CPAMD8: variants seen among roughly 807,000 people sequenced by gnomAD.
The protein encoded by CPAMD8 is C3 and PZP like alpha-2-macroglobulin domain containing 8, also known as C3 and PZP-like alpha-2-macroglobulin domain-containing protein 8.
In CPAMD8, 146 loss-of-function variants were observed where a neutral mutation model predicts 224.7. That is an observed-to-expected ratio of 0.65 (90% confidence interval 0.57 to 0.75). The LOEUF is 0.75. CPAMD8 is among the 30% of genes least tolerant of loss of function. The pLI, the probability that CPAMD8 is intolerant of heterozygous loss-of-function variation, is 0.00. For synonymous variants in CPAMD8, 966 were observed against 1,044.6 expected (o/e 0.92, Z 1.45); for missense variants, 2,301 against 2,537.5 (o/e 0.91, Z 2.00).
intron 22 of CPAMD8, among the ~76,000 whole-genome samples, chr19:16,941,097 A>AT (rs1347224267): frequency 6.6e-6 from 1 of 151,990 alleles, no homozygotes; most frequent in Non-Finnish European, 1.5e-5. Flanking sequence ...CACCTGGCTA[A>AT]TTTTTTGTAT....
intron 6 of CPAMD8, 106 bp downstream of exon 6, chr19:17,009,197 C>T (rs750660875): frequency 4.8e-5 from 76 of 1,589,064 alleles, no homozygotes; most frequent in Non-Finnish European, 5.5e-5. Flanking sequence ...TAAGGCACAG[C>T]GGCTCAACCC....
chr19:16,930,800 C>T (rs1291497518), intron 23 of CPAMD8, among the ~76,000 whole-genome samples: 1 of 152,118 alleles, frequency 6.6e-6, no homozygotes, highest in Non-Finnish European at 1.5e-5. Context: ...AGCAGGGCAC[C>T]GTATCGAGAT....
rs139532215 is a variant in CPAMD8 at position 16,925,032 on chromosome 19, G to C, written c.3547+164C>G. ...TAACAGCCACAGACATCAGGCTCCT[G>C]CTGACAGTGACAAGATCAGGGCCAC... On this transcript the variant is annotated intron_variant, in intron 26 of 41. Transcript: ENST00000443236. 1.5e-3 allele frequency among the ~76,000 whole-genome samples: 223 copies of C among 152,288 alleles called. 1 individual carries two copies. Among genetic ancestry groups the C allele is most frequent in the African/African-American group, 4.8e-3 (198 of 41,550 alleles).
Position 16,899,352 on chromosome 19 carries a change from C to T in CPAMD8, c.4848+123G>A, listed in dbSNP as rs559475068. On this transcript the variant is annotated intron_variant, in intron 37 of 41. Transcript: ENST00000443236. The surrounding 1 kb of genome is among the most constrained non-coding windows in gnomAD (Gnocchi z 5.4). ...GATTACAGGCATGAGCCACCATGCC[C>T]GGCCCCAGTGTCTTTTTTATGGTAC... 2.1e-5 allele frequency: 13 copies of T among 632,102 alleles called. No homozygotes were observed. The highest frequency in any genetic ancestry group is 3.6e-5 in the African/African-American group (2 of 55,652). The allele number at this position is 632,102 out of a possible 1,614,324, so 39.2% of individuals were successfully genotyped here. A position where few individuals can be genotyped will look rare whatever the true frequency, so the allele number is the denominator to read the frequency against.
intron 13 of CPAMD8, among the ~76,000 whole-genome samples, chr19:16,986,881 C>A (rs1289722319): frequency 2.6e-5 from 4 of 151,816 alleles, no homozygotes; most frequent in Non-Finnish European, 5.9e-5. Flanking sequence ...TATGGCCAGG[C>A]GCGGTGGCTC....
intron 41 of CPAMD8, chr19:16,894,507 C>T (rs1290267241): frequency 2.2e-6 from 1 of 455,756 alleles, no homozygotes; most frequent in Non-Finnish European, 4.4e-6. Context: ...CACCCCTTTC[C>T]TGAACCCAAC....
intron 29 of CPAMD8, among the ~76,000 whole-genome samples, chr19:16,911,135 C>A (rs955342880): frequency 1.3e-5 from 2 of 152,190 alleles, no homozygotes; most frequent in Non-Finnish European, 2.9e-5. Context: ...GGGTCACAGA[C>A]TGGTACCGGT....
chr19:16,994,514 C>CTTT (rs1213117903), intron 11 of CPAMD8, among the ~76,000 whole-genome samples: 1 of 106,506 alleles, frequency 9.4e-6, no homozygotes, highest in Non-Finnish European at 1.9e-5. Context: ...TTAACCACTC[C>CTTT]CTTTTTTTTT....
chr19:16,973,890 T>C (rs969994343), intron 17 of CPAMD8, among the ~76,000 whole-genome samples: 3 of 145,746 alleles, frequency 2.1e-5, no homozygotes, highest in Admixed American at 1.4e-4. Context: ...AGTGAAGTGA[T>C]GTGATCTCTG....
chr19:16,978,896 C>A (rs1056403041), intron 14 of CPAMD8, among the ~76,000 whole-genome samples: 5 of 151,344 alleles, frequency 3.3e-5, no homozygotes, highest in African/African-American at 1.2e-4. Context: ...CAACCATCCA[C>A]CCATCCCTCT....
At position 16,989,642 on chromosome 19, in the gene CPAMD8, C is replaced by T. The variant is rs1240335420; in HGVS notation, c.1395+1G>A. On this transcript the variant is annotated splice_donor_variant, in intron 13 of 41. Coordinates refer to ENST00000443236, the MANE Select transcript of CPAMD8 (RefSeq NM_015692.5). LOFTEE classifies it high-confidence loss of function. ...GGAAGGGTAGCTCCTGAAAATCTTA[C>T]CTGCAGTGGGTGGGAGGGTGGCTGC... is the stretch of plus-strand genomic sequence containing the variant. 1 of 1,613,156 alleles carries T rather than the reference C, an allele frequency of 6.2e-7. No individual in the cohort carries two copies.
intron 10 of CPAMD8, among the ~76,000 whole-genome samples, chr19:16,998,241 C>T (rs1442059281): frequency 6.6e-6 from 1 of 152,206 alleles, no homozygotes; most frequent in Non-Finnish European, 1.5e-5. Flanking sequence ...CGGCAGATCA[C>T]TTGAGGTCAG....
intron 11 of CPAMD8, 85 bp downstream of exon 11, chr19:16,997,026 A>T: frequency 2.4e-6 from 2 of 837,682 alleles, no homozygotes; most frequent in Non-Finnish European, 2.0e-6. Flanking sequence ...TTTTCAGCTG[A>T]GTCACCACTG....
intron 2 of CPAMD8, among the ~76,000 whole-genome samples, chr19:17,021,369 C>T (rs539501392): frequency 2.6e-5 from 4 of 152,176 alleles, no homozygotes; most frequent in Non-Finnish European, 5.9e-5. Flanking sequence ...TAGAAGCTTC[C>T]ACATTTCCAC....
Position 16,931,803 on chromosome 19 carries a change from C to A in CPAMD8, c.2846-2563G>T, listed in dbSNP as rs151338885. On this transcript the variant is annotated intron_variant, in intron 23 of 41. Coordinates refer to ENST00000443236, the MANE Select transcript of CPAMD8 (RefSeq NM_015692.5). ...CCACTAATAACTGCACCCTAAGCCA[C>A]TCAGGAAATCACAGACACCACTGAT... is the stretch of plus-strand genomic sequence containing the variant. Among the ~76,000 whole-genome samples, 453 of 152,320 alleles carry A rather than the reference C, an allele frequency of 3.0e-3. 3 individuals are homozygous for A. The highest frequency in any genetic ancestry group is 0.01 in the African/African-American group (430 of 41,570).
At chr19:16,906,416 T>C (rs1166827658) in intron 30 of CPAMD8, among the ~76,000 whole-genome samples, 5 of 143,380 alleles carry the variant, frequency 3.5e-5, no homozygotes, top group African/African-American at 7.8e-5. Flanking sequence ...CTTTCCTTCC[T>C]TCCTTCCTTC....
chr19:16,938,546 A>G (rs1170320912), intron 22 of CPAMD8, 100 bp from the exon 23 acceptor site: 3 of 663,316 alleles, frequency 4.5e-6, no homozygotes, highest in Non-Finnish European at 8.0e-6. Flanking sequence ...CTTCAAGTCC[A>G]GACCACATAA....
intron 21 of CPAMD8, 63 bp from the exon 22 acceptor site, chr19:16,945,742 C>A: frequency 1.3e-6 from 2 of 1,502,136 alleles, no homozygotes; most frequent in African/African-American, 1.4e-5. Flanking sequence ...GCTGTCCCAT[C>A]CCTATCCTTA....
At chr19:16,975,950 GA>G in intron 16 of CPAMD8, 51 bp downstream of exon 16, 1 of 1,443,274 alleles carries the variant, frequency 6.9e-7, no homozygotes, top group Non-Finnish European at 9.2e-7. Flanking sequence ...GAGAGCAAGA[GA>G]AGGTAAAGCC....
Sources: allele counts gnomAD v4.1 joint callset (sites outside exome capture counted in the v4.1 genomes callset), GRCh38; gene constraint gnomAD v4.1.1; non-coding constraint Gnocchi (gnomAD v3.1); transcripts MANE v1.5; gene names NCBI Gene and HGNC (gene_info 2026-07-23, HGNC 2026-07-21).